Variants in AGBL1 observed in about 807,000 individuals in gnomAD.
The protein encoded by AGBL1 is AGBL carboxypeptidase 1, also known as cytosolic carboxypeptidase 4.
A neutral mutation model predicts 118.9 loss-of-function variants in AGBL1; 130 were observed. That is an observed-to-expected ratio of 1.09 (90% CI 0.95 to 1.26). AGBL1 has a LOEUF of 1.26. Ranked by LOEUF, AGBL1 falls within the 50% of genes most tolerant of loss-of-function variation. The pLI is 0.00. For missense variants in AGBL1, 1,584 were observed against 1,298.1 expected (o/e 1.22, Z -3.38); for synonymous variants, 555 against 478.9 (o/e 1.16, Z -2.08).
chr15:86,260,452 C>G (rs1335578683), intron 9 of AGBL1, among the ~76,000 whole-genome samples: 1 of 152,198 alleles, frequency 6.6e-6, no homozygotes, highest in African/African-American at 2.4e-5. Flanking sequence ...TTCACATACA[C>G]AAGCATTAGA....
rs1243011411 is a variant in AGBL1, at chr15:86,618,165, AG to A, written c.2995-56107del. On this transcript the variant is annotated intron_variant, in intron 21 of 22. Transcript: ENST00000614907. ...TTCCAAACTATGCAGGATGCTACTA[AG>A]TTTGATATCAGAGAAGATAATTTAA... 2.6e-5 allele frequency among the ~76,000 whole-genome samples: 4 copies of A among 152,178 alleles called. No homozygotes were observed. The East Asian group carries it at 7.7e-4, about 29-fold the overall frequency.
At chr15:86,636,760 C>CATACATACAT (rs1169454375) in intron 21 of AGBL1, among the ~76,000 whole-genome samples, 17 of 27,500 alleles carry the variant, frequency 6.2e-4, no homozygotes, top group Non-Finnish European at 8.6e-4. Context: ...TATATATATA[C>CATACATACAT]ACATACATAC....
intron 18 of AGBL1, among the ~76,000 whole-genome samples, chr15:86,413,947 A>G (rs1445511189): frequency 3.3e-5 from 5 of 152,190 alleles, no homozygotes. Context: ...GGATGATTGA[A>G]TAAATAAAAT....
intron 19 of AGBL1, among the ~76,000 whole-genome samples, chr15:86,525,043 T>C (rs2083244485): frequency 6.6e-6 from 1 of 152,092 alleles, no homozygotes; most frequent in East Asian, 1.9e-4. Context: ...GATAACTGAA[T>C]TCAGTAAAGT....
In AGBL1 at chr15:86,554,529, C is replaced by A; in HGVS notation, c.2986C>A (p.Pro996Thr). 1 of 1,527,558 alleles carries A rather than the reference C, an allele frequency of 6.5e-7. No individual in the cohort carries two copies. The highest frequency in any genetic ancestry group is 8.8e-7 in the Non-Finnish European group (1 of 1,140,468). The allele number at this position is 1,527,558 out of a possible 1,614,324, so 94.6% of individuals were successfully genotyped here. The change falls in exon 21 of 23, where the codon CCT (proline) becomes ACT (threonine). Residue 996 changes from proline to threonine, a missense_variant. Pro to Thr is a conservative substitution (Grantham distance 38). Coordinates refer to ENST00000614907, the MANE Select transcript of AGBL1 (RefSeq NM_001386094.1). ...CAGCTACTGTGGCTGCAACCAGGGC[C>A]CTTATCAGGTATGTGAGGCTGCAGG... Reference protein sequence around the residue: ...ESSYCGCNQGPYQGLQFGTRE... With the variant: ...ESSYCGCNQGTYQGLQFGTRE...
intron 5 of AGBL1, among the ~76,000 whole-genome samples, chr15:86,186,721 A>G (rs2077639247): frequency 6.6e-6 from 1 of 152,250 alleles, no homozygotes; most frequent in Non-Finnish European, 1.5e-5. Flanking sequence ...ATATCAATAA[A>G]AATGGAGCAT....
chr15:86,357,553 G>A (rs1281965682), intron 17 of AGBL1, among the ~76,000 whole-genome samples: 1 of 152,064 alleles, frequency 6.6e-6, no homozygotes, highest in East Asian at 1.9e-4. Context: ...GGGTAAAAAA[G>A]GGCCTTGTGG....
intron 22 of AGBL1, among the ~76,000 whole-genome samples, chr15:86,719,439 A>G (rs1251765054): frequency 6.6e-6 from 1 of 152,242 alleles, no homozygotes; most frequent in African/African-American, 2.4e-5. Flanking sequence ...AAAAAGACAC[A>G]GCATCCTTAT....
At chr15:86,834,902 A>G (rs1176311245) in intron 22 of AGBL1, among the ~76,000 whole-genome samples, 1 of 152,128 alleles carries the variant, frequency 6.6e-6, no homozygotes, top group Non-Finnish European at 1.5e-5. Flanking sequence ...TCCAGAGGAT[A>G]AATTCTTCTT....
At chr15:86,383,995 G>A (rs2081147825) in intron 17 of AGBL1, among the ~76,000 whole-genome samples, 1 of 152,216 alleles carries the variant, frequency 6.6e-6, no homozygotes, top group Non-Finnish European at 1.5e-5. Context: ...TAAACCTAGT[G>A]AAATGTAATA....
chr15:86,319,790 C>A (rs1256416861), intron 17 of AGBL1, among the ~76,000 whole-genome samples: 1 of 86,000 alleles, frequency 1.2e-5, no homozygotes, highest in Admixed American at 1.6e-4. Context: ...GAGATGGACT[C>A]TTTGTCACCC....
chr15:86,264,719 C>A lies in AGBL1; in HGVS notation c.1548C>A (p.Ala516=). Residue 516 remains alanine (A), a synonymous_variant, in exon 11 of 23, where the codon GCC becomes GCA. Transcript: ENST00000614907. Reference sequence around the variant, plus strand: ...TCCACGATCCCTATCTTTATATGGCCAAAGCCAGAAGAACCAGCTCTGTGG... The same window carrying A: ...TCCACGATCCCTATCTTTATATGGCAAAAGCCAGAAGAACCAGCTCTGTGG... The part of the protein sequence containing the change: ...VPFHDPYLYM[A]KARRTSSVVD... The A allele has an allele frequency of 6.2e-7, 1 of 1,613,984 alleles. No individual in the cohort carries two copies. Among genetic ancestry groups the A allele is most frequent in the Non-Finnish European group, 8.5e-7 (1 of 1,179,886 alleles).
intron 18 of AGBL1, among the ~76,000 whole-genome samples, chr15:86,444,018 C>A (rs558839599): frequency 2.0e-5 from 3 of 152,032 alleles, no homozygotes; most frequent in Non-Finnish European, 4.4e-5. Flanking sequence ...TAGTTTATGG[C>A]GGAATATCAG....
At chr15:86,527,782 T>A (rs957867433) in intron 19 of AGBL1, among the ~76,000 whole-genome samples, 1 of 152,226 alleles carries the variant, frequency 6.6e-6, no homozygotes, top group Non-Finnish European at 1.5e-5. Flanking sequence ...AAAAAGAATG[T>A]GGTACTGTGA....
chr15:86,659,869 A>G (rs1209930148), intron 21 of AGBL1, among the ~76,000 whole-genome samples: 1 of 152,126 alleles, frequency 6.6e-6, no homozygotes, highest in Admixed American at 6.6e-5. Context: ...ATATGGGCCC[A>G]TGGTAGGACT....
chr15:86,999,762 A>C (rs1312711596), intron 24 of AGBL1, among the ~76,000 whole-genome samples: 7 of 147,756 alleles, frequency 4.7e-5, no homozygotes, highest in Non-Finnish European at 7.4e-5. Context: ...TGGCTGGGTC[A>C]AATGGTATTT....
At chr15:86,388,075 T>C (rs2081223318) in intron 17 of AGBL1, among the ~76,000 whole-genome samples, 2 of 152,196 alleles carry the variant, frequency 1.3e-5, no homozygotes, top group South Asian at 4.2e-4. Context: ...ATTATTCCAG[T>C]GGTATATGGG....
At chr15:86,811,345 G>C (rs1463990392) in intron 22 of AGBL1, among the ~76,000 whole-genome samples, 1 of 152,162 alleles carries the variant, frequency 6.6e-6, no homozygotes, top group East Asian at 1.9e-4. Context: ...CAGTCAGAAG[G>C]CTACTGGAAA....
chr15:86,351,427 C>A (rs1205027231), intron 17 of AGBL1, among the ~76,000 whole-genome samples: 1 of 152,084 alleles, frequency 6.6e-6, no homozygotes, highest in Non-Finnish European at 1.5e-5. Context: ...ATGATAGTAC[C>A]TGCTATCCAA....
Sources: gnomAD v4.1 joint callset for allele counts (sites outside exome capture counted in the v4.1 genomes callset) on GRCh38, gnomAD v4.1.1 for gene constraint, MANE v1.5 for transcripts, NCBI Gene and HGNC (gene_info 2026-07-23, HGNC 2026-07-21) for gene names.